Variants in NCOA2 observed in about 807,000 individuals in gnomAD.
NCOA2 encodes the protein nuclear receptor coactivator 2, also known as class E basic helix-loop-helix protein 75.
NCOA2 carries 21 observed loss-of-function variants against 145.1 expected under a neutral mutation model. The observed-to-expected ratio is 0.14, with a 90% confidence interval of 0.10 to 0.21. The LOEUF (loss-of-function observed/expected upper bound fraction) is 0.21, where lower values mean the gene tolerates loss of function less well. NCOA2 is among the 10% of genes least tolerant of loss of function. NCOA2 has a pLI of 1.00. For missense variants in NCOA2, 1,472 were observed against 1,837.6 expected (o/e 0.80, Z 3.64); for synonymous variants, 619 against 637.5 (o/e 0.97, Z 0.44).
intron 1 of NCOA2, among the ~76,000 whole-genome samples, chr8:70,398,807 C>G (rs1026376872): frequency 2.0e-5 from 3 of 152,172 alleles, no homozygotes; most frequent in African/African-American, 7.2e-5. Flanking sequence ...ATCCTGGAAT[C>G]AACATTTCCA....
At chr8:70,325,781 T>C (rs1417093539) in intron 1 of NCOA2, among the ~76,000 whole-genome samples, 1 of 152,214 alleles carries the variant, frequency 6.6e-6, no homozygotes, top group South Asian at 2.1e-4. Flanking sequence ...GAGGCTAAAA[T>C]GGGATCTAGC....
the NCOA2 span, among the ~76,000 whole-genome samples, chr8:70,441,083 G>GAGAA: frequency 0.87 from 123,470 of 141,498 alleles, 54,266 homozygotes; most frequent in East Asian, 0.98. Context: ...AAAGGAAAGA[G>GAGAA]AGAGGAAAGA....
chr8:70,351,869 C>G (rs1809278480), intron 1 of NCOA2, among the ~76,000 whole-genome samples: 1 of 151,718 alleles, frequency 6.6e-6, no homozygotes, highest in South Asian at 2.1e-4. Context: ...AGGTGTGAGC[C>G]ACCACACCCA....
At chr8:70,210,777 C>G (rs1404803603) in intron 4 of NCOA2, among the ~76,000 whole-genome samples, 2 of 152,200 alleles carry the variant, frequency 1.3e-5, no homozygotes, top group Non-Finnish European at 2.9e-5. Context: ...AAGATGAGCC[C>G]AGCTTTCCTC....
At chr8:70,215,591 T>C (rs1819531665) in intron 3 of NCOA2, among the ~76,000 whole-genome samples, 1 of 152,226 alleles carries the variant, frequency 6.6e-6, no homozygotes, top group Admixed American at 6.5e-5. Context: ...TCTCCTGCTC[T>C]GCCTCTCTTG....
intron 4 of NCOA2, among the ~76,000 whole-genome samples, chr8:70,199,109 T>C (rs932169258): frequency 6.6e-6 from 1 of 151,738 alleles, no homozygotes; most frequent in Non-Finnish European, 1.5e-5. Flanking sequence ...AAGGTTTAGA[T>C]GAGGAAAAAA....
chr8:70,227,778 G>A (rs947656572), intron 2 of NCOA2, among the ~76,000 whole-genome samples: 1 of 152,120 alleles, frequency 6.6e-6, no homozygotes, highest in African/African-American at 2.4e-5. Context: ...ACTATGGGAG[G>A]CAGAGTGGGG....
chr8:70,249,971 A>ACT, intron 2 of NCOA2, among the ~76,000 whole-genome samples: 1 of 147,706 alleles, frequency 6.8e-6, no homozygotes, highest in East Asian at 2.0e-4. Flanking sequence ...TCCAAAAAAA[A>ACT]AAAAAAAAGA....
chr8:70,237,826 T>G (rs1821765892), intron 2 of NCOA2, among the ~76,000 whole-genome samples: 1 of 151,670 alleles, frequency 6.6e-6, no homozygotes, highest in Non-Finnish European at 1.5e-5. Context: ...ATACTCTTCA[T>G]AGCCAGCAGA....
chr8:70,424,657 T>C, the NCOA2 span: 96 of 317,734 alleles, frequency 3.0e-4, 3 homozygotes, highest in South Asian at 1.6e-3. Context: ...GTGAATATTT[T>C]AGCCTTTGTG....
At chr8:70,449,112 A>G in the NCOA2 span, among the ~76,000 whole-genome samples, 1 of 152,136 alleles carries the variant, frequency 6.6e-6, no homozygotes, top group African/African-American at 2.4e-5. Context: ...GGCCTACCTT[A>G]CACTTTAAAT....
At chr8:70,332,409 T>C (rs1007124894) in intron 1 of NCOA2, among the ~76,000 whole-genome samples, 1 of 152,194 alleles carries the variant, frequency 6.6e-6, no homozygotes, top group Non-Finnish European at 1.5e-5. Flanking sequence ...TATTATAATA[T>C]GATATTTCTG....
At chr8:70,119,003 ATTTTAT>A (rs921697309) in intron 22 of NCOA2, among the ~76,000 whole-genome samples, 16 of 151,980 alleles carry the variant, frequency 1.1e-4, no homozygotes, top group African/African-American at 3.9e-4. Context: ...AGGATTTTTT[ATTTTAT>A]TTTTATTTGT....
At chr8:70,205,966 A>G (rs1167054847) in intron 4 of NCOA2, among the ~76,000 whole-genome samples, 1 of 152,218 alleles carries the variant, frequency 6.6e-6, no homozygotes, top group Non-Finnish European at 1.5e-5. Context: ...TCAAAGTGGC[A>G]GGAGCAGGTA....
chr8:70,300,454 G>A (rs1194007080), intron 1 of NCOA2, among the ~76,000 whole-genome samples: 1 of 152,150 alleles, frequency 6.6e-6, no homozygotes, highest in Non-Finnish European at 1.5e-5. Context: ...GGTAGTTCTA[G>A]CTGCATATGG....
At chr8:70,249,572 C>T (rs538415022) in intron 2 of NCOA2, among the ~76,000 whole-genome samples, 1 of 152,200 alleles carries the variant, frequency 6.6e-6, no homozygotes, top group South Asian at 2.1e-4. Flanking sequence ...AAGCAACTGG[C>T]CCAGTGCATA....
intron 7 of NCOA2, among the ~76,000 whole-genome samples, 193 bp from the exon 8 acceptor site, chr8:70,163,759 G>T (rs1485918878): frequency 6.6e-6 from 1 of 152,144 alleles, no homozygotes; most frequent in South Asian, 2.1e-4. Flanking sequence ...GGAGACGGAG[G>T]GTGGCTGTGT....
chr8:70,354,687 G>A (rs999271830), intron 1 of NCOA2, among the ~76,000 whole-genome samples: 15 of 151,994 alleles, frequency 9.9e-5, no homozygotes, highest in Admixed American at 8.5e-4. Flanking sequence ...GAAAATACTC[G>A]TATCTCTTAG....
At chr8:70,132,405 G>C (rs1321984716) in intron 15 of NCOA2, among the ~76,000 whole-genome samples, 3 of 152,162 alleles carry the variant, frequency 2.0e-5, no homozygotes, top group Admixed American at 1.3e-4. Flanking sequence ...ATCACGGATT[G>C]ACTTAAGATT....
Sources: gnomAD v4.1 joint callset for allele counts (sites outside exome capture counted in the v4.1 genomes callset) on GRCh38, gnomAD v4.1.1 for gene constraint, MANE v1.5 for transcripts, NCBI Gene and HGNC (gene_info 2026-07-23, HGNC 2026-07-21) for gene names.